The following MALRD1 variants were observed in gnomAD, a reference collection of about 807,000 sequenced individuals.
MALRD1 encodes MAM and LDL-receptor class A domain-containing protein 1.
In MALRD1, 247 loss-of-function variants were observed where a neutral mutation model predicts 242.1. The observed-to-expected ratio is 1.02, with a 90% CI of 0.92 to 1.13. The LOEUF is 1.13. Among genes scored for constraint, MALRD1 ranks in the 50% most tolerant of loss-of-function variants. The pLI is 0.00. For synonymous variants in MALRD1, 995 were observed against 866.6 expected (o/e 1.15, Z -2.60); for missense variants, 2,989 against 2,533.1 (o/e 1.18, Z -3.86).
At chr10:19,531,927 TA>T (rs1449229707) in intron 32 of MALRD1, among the ~76,000 whole-genome samples, 1 of 152,222 alleles carries the variant, frequency 6.6e-6, no homozygotes, top group Non-Finnish European at 1.5e-5. Context: ...TCTTGGTTTC[TA>T]ATTAAATGGT....
intron 32 of MALRD1, among the ~76,000 whole-genome samples, chr10:19,551,540 C>G (rs1230110009): frequency 2.0e-5 from 3 of 152,068 alleles, no homozygotes; most frequent in African/African-American, 7.2e-5. Flanking sequence ...AGGATCATGT[C>G]GCCTGCAAAG....
At chr10:19,421,091 G>A (rs941334916) in intron 28 of MALRD1, among the ~76,000 whole-genome samples, 1 of 152,204 alleles carries the variant, frequency 6.6e-6, no homozygotes, top group Non-Finnish European at 1.5e-5. Flanking sequence ...GGTAATGGGA[G>A]AGATCTTGCT....
At chr10:19,328,497 T>A (rs1486315365) in intron 23 of MALRD1, among the ~76,000 whole-genome samples, 1 of 152,142 alleles carries the variant, frequency 6.6e-6, no homozygotes, top group African/African-American at 2.4e-5. Flanking sequence ...AAATTCTTGT[T>A]AAATATTGCA....
chr10:19,048,894 C>A lies in MALRD1; in HGVS notation c.-45C>A. Reference sequence around the variant, plus strand: ...ATAAAAGAATGTTTCCAATGATGGACTTACTTATTACAACTGCTTGATCTC... The same window carrying A: ...ATAAAAGAATGTTTCCAATGATGGAATTACTTATTACAACTGCTTGATCTC... On this transcript the variant is annotated 5_prime_UTR_variant, in exon 1 of 40. Transcript: ENST00000454679. The A allele has an allele frequency of 8.3e-7, 1 of 1,200,156 alleles. No individual in the cohort carries two copies. The highest frequency in any genetic ancestry group is 1.0e-6 in the Non-Finnish European group (1 of 957,532). 74.3% of individuals were successfully genotyped at this position (1,200,156 alleles called of 1,614,324 possible). A position where few individuals can be genotyped will look rare whatever the true frequency, so the allele number is the denominator to read the frequency against.
At chr10:19,227,864 A>T (rs573834063) in intron 18 of MALRD1, among the ~76,000 whole-genome samples, 3 of 152,198 alleles carry the variant, frequency 2.0e-5, no homozygotes, top group Non-Finnish European at 2.9e-5. Context: ...AAATGAAAAG[A>T]TACTTGACAT....
chr10:19,638,989 TG>T (rs1194241669), intron 36 of MALRD1, among the ~76,000 whole-genome samples: 1 of 151,906 alleles, frequency 6.6e-6, no homozygotes. Context: ...TGTTTGGGGG[TG>T]GGAGCGGGGT....
chr10:19,168,019 T>C (rs962675621), intron 13 of MALRD1, among the ~76,000 whole-genome samples: 1 of 152,230 alleles, frequency 6.6e-6, no homozygotes, highest in African/African-American at 2.4e-5. Flanking sequence ...GCTGTAGTTA[T>C]TCCTTGGATA....
At chr10:19,212,854 G>A (rs72786571) in intron 18 of MALRD1, among the ~76,000 whole-genome samples, 23,959 of 152,024 alleles carry the variant, frequency 0.16, 1,909 homozygotes, top group Middle Eastern at 0.21. Context: ...TATGTTGAGC[G>A]TATGTGCTTA....
At chr10:19,099,877 C>G (rs932771994) in intron 4 of MALRD1, among the ~76,000 whole-genome samples, 1 of 151,796 alleles carries the variant, frequency 6.6e-6, no homozygotes, top group African/African-American at 2.4e-5. Context: ...ATTCTCCTGC[C>G]TCAGCCTCCC....
At chr10:19,673,414 G>C (rs1033430425) in intron 36 of MALRD1, among the ~76,000 whole-genome samples, 3 of 151,910 alleles carry the variant, frequency 2.0e-5, no homozygotes, top group Non-Finnish European at 4.4e-5. Flanking sequence ...AAAATTTTTT[G>C]CCTTTTCCTT....
chr10:19,327,508 T>C, intron 22 of MALRD1, 55 bp from the exon 23 acceptor site: 1 of 1,367,286 alleles, frequency 7.3e-7, no homozygotes, highest in Non-Finnish European at 1.0e-6. Context: ...TCTACATGTT[T>C]GCAATTTCTC....
chr10:19,303,272 T>A (rs1483281932), intron 21 of MALRD1, among the ~76,000 whole-genome samples: 2 of 151,666 alleles, frequency 1.3e-5, no homozygotes, highest in African/African-American at 4.8e-5. Context: ...AGACATTAGG[T>A]CAAAATTACT....
At chr10:19,650,796 A>G (rs1840844266) in intron 36 of MALRD1, among the ~76,000 whole-genome samples, 1 of 152,176 alleles carries the variant, frequency 6.6e-6, no homozygotes, top group African/African-American at 2.4e-5. Flanking sequence ...GCACCTTTCA[A>G]TTCAGCTCAG....
At chr10:19,540,931 A>G (rs1834940776) in intron 32 of MALRD1, among the ~76,000 whole-genome samples, 2 of 152,220 alleles carry the variant, frequency 1.3e-5, no homozygotes, top group African/African-American at 2.4e-5. Context: ...CCTGGGCAAC[A>G]TGGCAAGACC....
At chr10:19,061,096 C>A (rs1834810366) in intron 1 of MALRD1, among the ~76,000 whole-genome samples, 1 of 152,062 alleles carries the variant, frequency 6.6e-6, no homozygotes, top group African/African-American at 2.4e-5. Flanking sequence ...GGGAGGGGAA[C>A]AACACACACT....
chr10:19,507,041 C>T (rs748675246), intron 31 of MALRD1, among the ~76,000 whole-genome samples: 7 of 151,970 alleles, frequency 4.6e-5, no homozygotes, highest in East Asian at 1.9e-4. Context: ...GCAGGCACAA[C>T]GCATGGTGAA....
intron 36 of MALRD1, among the ~76,000 whole-genome samples, chr10:19,685,777 G>A (rs1842556844): frequency 6.6e-6 from 1 of 152,130 alleles, no homozygotes. Context: ...GAGTTGGGGA[G>A]AATAGGTCTC....
intron 32 of MALRD1, among the ~76,000 whole-genome samples, chr10:19,536,395 C>T (rs1834676681): frequency 1.3e-5 from 2 of 150,456 alleles, no homozygotes; most frequent in East Asian, 3.9e-4. Flanking sequence ...TACATGTGCA[C>T]AACGTGCAGG....
chr10:19,462,285 C>A (rs1187259957), intron 29 of MALRD1, among the ~76,000 whole-genome samples: 1 of 152,216 alleles, frequency 6.6e-6, no homozygotes, highest in African/African-American at 2.4e-5. Context: ...CCACTATCTA[C>A]CTGCCCTAAT....
Sources: gnomAD v4.1 joint callset for allele counts (sites outside exome capture counted in the v4.1 genomes callset) on GRCh38, gnomAD v4.1.1 for gene constraint, MANE v1.5 for transcripts, NCBI Gene and HGNC (gene_info 2026-07-23, HGNC 2026-07-21) for gene names.